Variants in PLEKHM3 observed in about 807,000 individuals in gnomAD.
PLEKHM3 encodes the protein pleckstrin homology domain containing M3, also known as pleckstrin homology domain-containing family M member 3.
Under a neutral mutation model 81.8 loss-of-function variants are expected in PLEKHM3, and 45 were observed. That is an observed-to-expected ratio of 0.55 (90% CI 0.43 to 0.71). The LOEUF is 0.71. PLEKHM3 is among the 30% of genes least tolerant of loss of function. The pLI is 0.00. For synonymous variants in PLEKHM3, 352 were observed against 356.4 expected (o/e 0.99, Z 0.14); for missense variants, 788 against 924.3 (o/e 0.85, Z 1.91).
chr2:207,923,946 C>A (rs1215636196), intron 5 of PLEKHM3, among the ~76,000 whole-genome samples: 1 of 119,996 alleles, frequency 8.3e-6, no homozygotes, highest in African/African-American at 3.2e-5. Flanking sequence ...TCTTGCTCTG[C>A]CTCCCAGGCT....
At chr2:207,945,915 G>A (rs960525433) in intron 4 of PLEKHM3, among the ~76,000 whole-genome samples, 14 of 148,048 alleles carry the variant, frequency 9.5e-5, no homozygotes, top group Non-Finnish European at 1.6e-4. Context: ...AAAAAAAGCC[G>A]ACACAAACAA....
intron 7 of PLEKHM3, among the ~76,000 whole-genome samples, chr2:207,846,029 A>C (rs1443410300): frequency 6.6e-6 from 1 of 152,234 alleles, no homozygotes. Context: ...TAAAAGCTTA[A>C]AACAGTGCCA....
chr2:207,893,208 C>T (rs1403270614), intron 6 of PLEKHM3, among the ~76,000 whole-genome samples: 1 of 152,238 alleles, frequency 6.6e-6, no homozygotes, highest in Non-Finnish European at 1.5e-5. Context: ...ACTATTTTGG[C>T]CCTTTCTGCC....
chr2:207,865,781 C>CCA (rs2092492772), intron 6 of PLEKHM3, among the ~76,000 whole-genome samples: 1 of 3,792 alleles, frequency 2.6e-4, no homozygotes, highest in African/African-American at 7.2e-4. Context: ...AACTCCGACT[C>CCA]AAAAAAAAAA....
chr2:207,978,941 T>C (rs1326036797), intron 2 of PLEKHM3, among the ~76,000 whole-genome samples: 1 of 152,200 alleles, frequency 6.6e-6, no homozygotes, highest in Non-Finnish European at 1.5e-5. Flanking sequence ...TGCTGGACAA[T>C]CAGTTCCACT....
At chr2:207,996,778 T>C (rs1692134873) in intron 2 of PLEKHM3, among the ~76,000 whole-genome samples, 1 of 152,172 alleles carries the variant, frequency 6.6e-6, no homozygotes, top group Admixed American at 6.5e-5. Context: ...ATGAGGCCCA[T>C]TTTATAACAA....
chr2:208,008,019 C>G (rs1692554497), intron 1 of PLEKHM3, among the ~76,000 whole-genome samples: 1 of 152,064 alleles, frequency 6.6e-6, no homozygotes, highest in South Asian at 2.1e-4. Context: ...CACCACTGCA[C>G]TCCAGCCTGG....
intron 5 of PLEKHM3, among the ~76,000 whole-genome samples, chr2:207,918,757 A>G (rs1465737396): frequency 6.6e-6 from 1 of 152,190 alleles, no homozygotes; most frequent in Non-Finnish European, 1.5e-5. Flanking sequence ...TAATTTATTC[A>G]ACAAGTATTT....
intron 5 of PLEKHM3, among the ~76,000 whole-genome samples, chr2:207,922,407 T>G (rs1429349800): frequency 6.6e-6 from 1 of 152,250 alleles, no homozygotes; most frequent in Non-Finnish European, 1.5e-5. Context: ...AAGCTTTTAT[T>G]GCACCACTAG....
chr2:207,967,709 A>G (rs1242881296), intron 3 of PLEKHM3, among the ~76,000 whole-genome samples: 1 of 152,230 alleles, frequency 6.6e-6, no homozygotes, highest in Non-Finnish European at 1.5e-5. Context: ...CCTAATAATA[A>G]CAGCTAGCCT....
Position 207,986,317 on chromosome 2 carries a change from ACT to A in PLEKHM3, c.611-8733_611-8732del, listed in dbSNP as rs1380867910. Among the ~76,000 whole-genome samples the A allele has an allele frequency of 2.6e-5, 4 of 152,300 alleles. No individual in the cohort carries two copies. In the East Asian group the frequency reaches 7.7e-4, roughly 29 times the overall value. On this transcript the variant is annotated intron_variant, in intron 2 of 7. Transcript: ENST00000427836. ...AGTACTCGTAAGACTGCAGTATAACACTCTGTCCTAGACAGGCTCACCCGGAC... is the reference window on the plus strand; with the variant it reads ...AGTACTCGTAAGACTGCAGTATAACACTGTCCTAGACAGGCTCACCCGGAC...
chr2:207,911,333 G>A (rs1688804082), intron 5 of PLEKHM3, among the ~76,000 whole-genome samples: 1 of 152,190 alleles, frequency 6.6e-6, no homozygotes, highest in African/African-American at 2.4e-5. Flanking sequence ...ATGTTCACAT[G>A]TACTTCCACA....
Position 207,963,856 on chromosome 2 carries a change from T to C in PLEKHM3, c.1546+12795A>G, listed in dbSNP as rs533460021. On this transcript the variant is annotated intron_variant, in intron 3 of 7. Transcript: ENST00000427836. Reference sequence around the variant, plus strand: ...ACATATTGAACATATATAGAAGAAATAGTTAAAGGAAATGTGCCTATATAA... The same window carrying C: ...ACATATTGAACATATATAGAAGAAACAGTTAAAGGAAATGTGCCTATATAA... Among the ~76,000 whole-genome samples, 24 of 152,180 alleles carry C rather than the reference T, an allele frequency of 1.6e-4. No individual in the cohort carries two copies. In the South Asian group the frequency reaches 4.8e-3, roughly 30 times the overall value.
chr2:207,938,426 CA>C (rs1285458352), intron 4 of PLEKHM3, among the ~76,000 whole-genome samples: 3 of 152,174 alleles, frequency 2.0e-5, no homozygotes, highest in African/African-American at 7.2e-5. Flanking sequence ...TTCTGTTCTG[CA>C]AAACCATTTT....
At chr2:207,975,945 A>G (rs1691295752) in intron 3 of PLEKHM3, among the ~76,000 whole-genome samples, 1 of 147,312 alleles carries the variant, frequency 6.8e-6, no homozygotes, top group Non-Finnish European at 1.5e-5. Flanking sequence ...GGAAAGGTGG[A>G]AAGAATGGGG....
At chr2:207,862,912 T>TC in intron 6 of PLEKHM3, among the ~76,000 whole-genome samples, 1 of 152,238 alleles carries the variant, frequency 6.6e-6, no homozygotes, top group Non-Finnish European at 1.5e-5. Context: ...CAGGGTACCC[T>TC]CCCATGTGTG....
At chr2:207,923,903 A>ATTTTTTTTTT (rs1235482345) in intron 5 of PLEKHM3, among the ~76,000 whole-genome samples, 4 of 59,818 alleles carry the variant, frequency 6.7e-5, no homozygotes, top group East Asian at 8.9e-4. Flanking sequence ...ATATATATAT[A>ATTTTTTTTTT]TATTTTTTTT....
chr2:207,857,703 T>C (rs2092443496), intron 7 of PLEKHM3, among the ~76,000 whole-genome samples: 1 of 152,138 alleles, frequency 6.6e-6, no homozygotes, highest in Non-Finnish European at 1.5e-5. Flanking sequence ...CCTCTTTTCA[T>C]TCCTGATTTT....
chr2:208,009,214 T>C (rs1692606781), intron 1 of PLEKHM3, among the ~76,000 whole-genome samples: 1 of 152,174 alleles, frequency 6.6e-6, no homozygotes, highest in South Asian at 2.1e-4. Context: ...ACACACTCTT[T>C]ACCTCCAAAC....
Sources: allele counts gnomAD v4.1 joint callset (sites outside exome capture counted in the v4.1 genomes callset), GRCh38; gene constraint gnomAD v4.1.1; transcripts MANE v1.5; gene names NCBI Gene and HGNC (gene_info 2026-07-23, HGNC 2026-07-21).